The following FAM78B variants were observed in gnomAD, a reference collection of about 807,000 sequenced individuals.
FAM78B encodes family with sequence similarity 78 member B, also known as protein FAM78B.
A neutral mutation model predicts 20.0 loss-of-function variants in FAM78B; 10 were observed. That is an observed-to-expected ratio of 0.50 (90% CI 0.31 to 0.85). The LOEUF (loss-of-function observed/expected upper bound fraction) is 0.85, where lower values mean the gene tolerates loss of function less well. Ranked by LOEUF, FAM78B falls within the 40% of genes least tolerant of loss-of-function variation. The probability of loss-of-function intolerance (pLI) is 0.05; values close to 1 mark genes in which losing one functional copy is unlikely to be tolerated. For synonymous variants in FAM78B, 135 were observed against 132.8 expected, an observed-to-expected ratio of 1.02 and a Z score of -0.12; for missense variants, 283 against 345.0, an observed-to-expected ratio of 0.82 and a Z score of 1.42.
chr1:166,056,779 CTCTT>C (rs1455460160), downstream of FAM78B, among the ~76,000 whole-genome samples: 44 of 152,338 alleles, frequency 2.9e-4, no homozygotes, highest in South Asian at 3.7e-3. Flanking sequence ...CTAGAATGTT[CTCTT>C]TCTCCCAATT....
intron 2 of FAM78B, among the ~76,000 whole-genome samples, chr1:166,062,147 T>C (rs1293190297): frequency 6.6e-6 from 1 of 152,130 alleles, no homozygotes; most frequent in African/African-American, 2.4e-5. Flanking sequence ...CCTAAAAACT[T>C]TGAGGGTGAA....
intron 1 of FAM78B, among the ~76,000 whole-genome samples, chr1:166,145,398 T>A (rs1461116554): frequency 6.6e-6 from 1 of 152,336 alleles, no homozygotes; most frequent in African/African-American, 2.4e-5. Flanking sequence ...CATTAGGGCA[T>A]CCTGTAGGTT....
At chr1:166,100,668 C>A (rs1004811973) in intron 1 of FAM78B, among the ~76,000 whole-genome samples, 1 of 152,232 alleles carries the variant, frequency 6.6e-6, no homozygotes, top group Non-Finnish European at 1.5e-5. Context: ...ATTGCTGAGG[C>A]TTGAGCAGGT....
At chr1:166,128,084 G>C (rs768581275) in intron 1 of FAM78B, among the ~76,000 whole-genome samples, 1 of 152,126 alleles carries the variant, frequency 6.6e-6, no homozygotes, top group African/African-American at 2.4e-5. Flanking sequence ...CTAAAACATA[G>C]GAAGTGAAGG....
chr1:166,069,013 C>T (rs1247846480), downstream of FAM78B, among the ~76,000 whole-genome samples: 6 of 152,140 alleles, frequency 3.9e-5, no homozygotes. Flanking sequence ...ACATGAGTAG[C>T]TTAGATTTTC....
chr1:166,116,943 TCTGTCTTGG>T (rs1396145298), intron 1 of FAM78B, among the ~76,000 whole-genome samples: 62 of 152,370 alleles, frequency 4.1e-4, no homozygotes, highest in African/African-American at 1.4e-3. Flanking sequence ...CGCCCTGCCA[TCTGTCTTGG>T]CTAAGGGGTC....
downstream of FAM78B, among the ~76,000 whole-genome samples, chr1:166,068,984 A>T (rs574475628): frequency 2.4e-4 from 36 of 152,338 alleles, no homozygotes; most frequent in African/African-American, 8.2e-4. Context: ...GTTAAATCTT[A>T]GCAATACAGG....
At position 166,069,684 on chromosome 1, in the gene FAM78B, T is replaced by C. The variant is rs1651938189; in HGVS notation, c.*557A>G. The C allele has an allele frequency of 6.6e-6, 1 of 152,306 alleles. No homozygotes were observed. The highest frequency in any genetic ancestry group is 1.5e-5 in the Non-Finnish European group (1 of 68,102). 9.4% of individuals were successfully genotyped at this position (152,306 alleles called of 1,614,324 possible). On this transcript the variant is annotated 3_prime_UTR_variant, in exon 2 of 2. Transcript: ENST00000354422. The stretch of plus-strand genomic sequence containing the variant: ...TCTAGTTTTCTAAGCATTCATTCCA[T>C]TGAGTGTGTTGATCTGATTATCAAC...
intron 1 of FAM78B, among the ~76,000 whole-genome samples, chr1:166,106,194 C>A (rs10918359): frequency 8.5e-6 from 1 of 117,246 alleles, no homozygotes; most frequent in Admixed American, 9.7e-5. Context: ...CATCGCACAC[C>A]GGGGCCTGTT....
At chr1:166,085,597 A>G (rs896851782) in intron 1 of FAM78B, among the ~76,000 whole-genome samples, 1 of 152,260 alleles carries the variant, frequency 6.6e-6, no homozygotes, top group African/African-American at 2.4e-5. Flanking sequence ...GAACCAGGGC[A>G]GGTCTGCTGG....
intron 1 of FAM78B, among the ~76,000 whole-genome samples, chr1:166,140,718 A>G (rs926336722): frequency 1.3e-5 from 2 of 152,190 alleles, no homozygotes; most frequent in Admixed American, 6.5e-5. Context: ...CTAAGAAAAC[A>G]CTTGAGGCAA....
intron 1 of FAM78B, among the ~76,000 whole-genome samples, chr1:166,078,481 A>G (rs1652424412): frequency 6.6e-6 from 1 of 152,248 alleles, no homozygotes; most frequent in South Asian, 2.1e-4. Flanking sequence ...AACATTGATT[A>G]TGGCAACGTT....
exon 3 of FAM78B, chr1:166,060,140 A>G: frequency 5.7e-6 from 1 of 174,900 alleles, no homozygotes; most frequent in Admixed American, 5.6e-5. Flanking sequence ...CAAGGATCAG[A>G]GAACACAGAG....
intron 1 of FAM78B, among the ~76,000 whole-genome samples, chr1:166,104,056 A>C (rs1653659331): frequency 6.6e-6 from 1 of 152,250 alleles, no homozygotes; most frequent in South Asian, 2.1e-4. Context: ...AACATACGCA[A>C]ATCAATAAAC....
At chr1:166,155,090 C>T (rs968688395) in intron 1 of FAM78B, among the ~76,000 whole-genome samples, 3 of 152,188 alleles carry the variant, frequency 2.0e-5, no homozygotes, top group African/African-American at 7.2e-5. Flanking sequence ...ACATCCTGAG[C>T]AGCTGAGTGA....
At chr1:166,071,638 CTCAG>C (rs1215913414) in intron 1 of FAM78B, among the ~76,000 whole-genome samples, 1 of 152,240 alleles carries the variant, frequency 6.6e-6, no homozygotes, top group Non-Finnish European at 1.5e-5. Context: ...AGTACATTAT[CTCAG>C]TCAGTATTCA....
intron 1 of FAM78B, among the ~76,000 whole-genome samples, chr1:166,137,204 C>G (rs1046633441): frequency 2.0e-4 from 31 of 152,318 alleles, no homozygotes; most frequent in African/African-American, 7.5e-4. Context: ...CTTTTATGTG[C>G]TAACCCTGAT....
chr1:166,074,725 G>T (rs973060344), intron 1 of FAM78B, among the ~76,000 whole-genome samples: 1 of 152,074 alleles, frequency 6.6e-6, no homozygotes, highest in Non-Finnish European at 1.5e-5. Flanking sequence ...TGCCTTGCAC[G>T]GAAAGTTGCT....
chr1:166,109,896 A>ATATATATATGTG (rs1653975521), intron 1 of FAM78B, among the ~76,000 whole-genome samples: 1 of 59,952 alleles, frequency 1.7e-5, no homozygotes, highest in African/African-American at 5.6e-5. Context: ...ATATGTATAT[A>ATATATATATGTG]TATATATATA....
Sources: gnomAD v4.1 joint callset for allele counts (sites outside exome capture counted in the v4.1 genomes callset) on GRCh38, gnomAD v4.1.1 for gene constraint, MANE v1.5 for transcripts, NCBI Gene and HGNC (gene_info 2026-07-23, HGNC 2026-07-21) for gene names.